Variants in CHPF2 observed in about 807,000 individuals in gnomAD.
The protein encoded by CHPF2 is chondroitin polymerizing factor 2, non-catalytic subunit.
A neutral mutation model predicts 63.0 loss-of-function variants in CHPF2; 58 were observed. That is an observed-to-expected ratio of 0.92 (90% CI 0.75 to 1.15). CHPF2 has a LOEUF of 1.15. Ranked by LOEUF, CHPF2 falls within the 50% of genes most tolerant of loss-of-function variation. CHPF2 has a pLI of 0.00. For missense variants in CHPF2, 1,045 were observed against 1,035.4 expected, an observed-to-expected ratio of 1.01 and a Z score of -0.13; for synonymous variants, 442 against 438.0, an observed-to-expected ratio of 1.01 and a Z score of -0.11.
Position 151,235,597 on chromosome 7 carries a change from T to G in CHPF2, c.813T>G (p.Cys271Trp), listed in dbSNP as rs1410520714. 6.2e-7 allele frequency: 1 copy of G among 1,604,782 alleles called. No homozygotes were observed. The highest frequency in any genetic ancestry group is 1.7e-5 in the Admixed American group (1 of 59,972). ...TCATTGACTCTCTGGGCGTCGGCTGTGTCTCACAGCACCAGGTGACAGCTC... is the reference window on the plus strand; with the variant it reads ...TCATTGACTCTCTGGGCGTCGGCTGGGTCTCACAGCACCAGGTGACAGCTC... ...RCLIDSLGVG[C>W]VSQHQGQQYR... The change falls in exon 2 of 4, where the codon TGT becomes TGG. Residue 271 changes from cysteine (C) to tryptophan (W), a missense_variant. By Grantham distance (215) the Cys-to-Trp change is radical. Coordinates refer to ENST00000035307, the MANE Select transcript of CHPF2 (RefSeq NM_019015.3).
Position 151,232,990 on chromosome 7 carries a change from A to C in CHPF2, c.-1022A>C. The C allele has an allele frequency of 7.8e-7, 1 of 1,281,558 alleles. No individual in the cohort carries two copies. The highest frequency in any genetic ancestry group is 9.9e-7 in the Non-Finnish European group (1 of 1,013,130). The allele number at this position is 1,281,558 out of a possible 1,614,324, so 79.4% of individuals were successfully genotyped here. On this transcript the variant is annotated 5_prime_UTR_variant, in exon 1 of 4. Coordinates refer to ENST00000035307, the MANE Select transcript of CHPF2 (RefSeq NM_019015.3). ...GTTCTAGGGCTAGACTTGGTCTCTG[A>C]TCGCCGAGAGGTAGCGCAGGGGCTG...
Position 151,234,156 on chromosome 7 carries a change from C to T in CHPF2, c.145C>T (p.Arg49Ter), listed in dbSNP as rs200404526. 16 of 1,613,446 alleles carry T rather than the reference C, an allele frequency of 9.9e-6. No individual in the cohort carries two copies. The highest frequency in any genetic ancestry group is 2.5e-6 in the Non-Finnish European group (3 of 1,179,698). Reference protein sequence around the residue: ...EDPCVEAVGERGGPQNPDSRA... With the variant: ...EDPCVEAVGE ...TCCCTGTGTCGAGGCTGTAGGGGAG[C>T]GAGGAGGGCCACAGAATCCAGATTC... The change falls in exon 1 of 4, where the codon CGA (arginine) becomes TGA (stop). Residue 49 changes from arginine to a stop codon, truncating the protein, a stop_gained. Transcript: ENST00000035307. LOFTEE classifies it high-confidence loss of function.
chr7:151,233,326 T>G lies in CHPF2; in HGVS notation c.-686T>G, dbSNP rs190803273. 7.1e-6 allele frequency: 7 copies of G among 986,432 alleles called. No homozygotes were observed. The African/African-American group carries it at 1.2e-4, about 17-fold the overall frequency. 61.1% of individuals were successfully genotyped at this position (986,432 alleles called of 1,614,324 possible). A position where few individuals can be genotyped will look rare whatever the true frequency, so the allele number is the denominator to read the frequency against. On this transcript the variant is annotated 5_prime_UTR_variant, in exon 1 of 4. The change abolishes an upstream ATG in the 5' untranslated region. Transcript: ENST00000035307. Reference sequence around the variant, plus strand: ...ACCTCATTCGGGTGGGCAGAACTTATGTGTGCCATGCGAGTGGCTCCAGAC... The same window carrying G: ...ACCTCATTCGGGTGGGCAGAACTTAGGTGTGCCATGCGAGTGGCTCCAGAC...
At position 151,235,462 on chromosome 7, in the gene CHPF2, C is replaced by T. The variant is rs2150582803; in HGVS notation, c.678C>T (p.Gly226=). Residue 226 remains glycine, a synonymous_variant, in exon 2 of 4, where the codon GGC becomes GGT. Transcript: ENST00000035307. ...AGEQARYCHG[G]FGYLLSRSLL... ...AGCAGGCCCGGTACTGTCATGGGGG[C>T]TTTGGCTACCTGTTGTCACGGAGTC... The T allele has an allele frequency of 6.2e-7, 1 of 1,611,900 alleles. No homozygotes were observed. The highest frequency in any genetic ancestry group is 8.5e-7 in the Non-Finnish European group (1 of 1,180,030).
rs1185480151 is a variant in CHPF2 at position 151,237,413 on chromosome 7, G to A, written c.1051G>A (p.Glu351Lys). 1 of 1,608,110 alleles carries A rather than the reference G, an allele frequency of 6.2e-7. No individual in the cohort carries two copies. The highest frequency in any genetic ancestry group is 1.7e-5 in the Admixed American group (1 of 59,912). The change falls in exon 4 of 4, where the codon GAG (glutamate) becomes AAG (lysine). Residue 351 changes from glutamate to lysine, a missense_variant. Transcript: ENST00000035307. The part of the protein sequence containing the change: ...RNLTVLTPEG[E>K]AGLSWPVGLP... The stretch of plus-strand genomic sequence containing the variant: ...CCTGACCGTGCTGACCCCCGAAGGG[G>A]AGGCAGGGCTGAGCTGGCCCGTTGG...
At position 151,236,390 on chromosome 7, in the gene CHPF2, G is replaced by A. The variant is rs778372164; in HGVS notation, c.829-18G>A. The A allele has an allele frequency of 3.9e-6, 6 of 1,549,204 alleles. No homozygotes were observed. The highest frequency in any genetic ancestry group is 1.2e-5 in the South Asian group (1 of 83,266). On this transcript the variant is annotated intron_variant, in intron 2 of 3. Transcript: ENST00000035307. ...CAGCTCTTGTGTGTGTCATTGATTGGTCTGATTGTCCCTCTAGGGGCAGCA... is the reference window on the plus strand; with the variant it reads ...CAGCTCTTGTGTGTGTCATTGATTGATCTGATTGTCCCTCTAGGGGCAGCA...
chr7:151,236,122 AT>A (rs1802638987), intron 2 of CHPF2, among the ~76,000 whole-genome samples: 1 of 152,210 alleles, frequency 6.6e-6, no homozygotes, highest in Non-Finnish European at 1.5e-5. Flanking sequence ...CATTATTATT[AT>A]TTTTAATATG....
rs1245947465 is a variant in CHPF2 at position 151,238,613 on chromosome 7, G to A, written c.2251G>A (p.Glu751Lys). Residue 751 changes from glutamate to lysine, a missense_variant, in exon 4 of 4, where the codon GAG (glutamate) becomes AAG (lysine). Glu to Lys is a moderately conservative substitution (Grantham distance 56, BLOSUM62 1). Coordinates refer to ENST00000035307, the MANE Select transcript of CHPF2 (RefSeq NM_019015.3). The stretch of plus-strand genomic sequence containing the variant: ...CCACCGCTGCCGCCTCAGCAACCTG[G>A]AGGGGCTAGGGGGCCGTGCCCAGCT... ...LYHRCRLSNL[E>K]GLGGRAQLAM... The A allele has an allele frequency of 1.9e-6, 3 of 1,612,720 alleles. No individual in the cohort carries two copies. The Admixed American group carries it at 5.0e-5, about 27-fold the overall frequency.
intron 3 of CHPF2, chr7:151,236,879 A>G: frequency 1.7e-6 from 1 of 575,014 alleles, no homozygotes; most frequent in Non-Finnish European, 3.3e-6. Flanking sequence ...CAGTGTTCAG[A>G]CAGAATAGTT....
At chr7:151,234,973 G>A (rs1463022130) in intron 1 of CHPF2, 75 bp from the exon 2 acceptor site, 52 of 1,187,752 alleles carry the variant, frequency 4.4e-5, no homozygotes, top group Non-Finnish European at 6.1e-5. Flanking sequence ...ACTCCTAGAG[G>A]GGGATGTATA....
rs951104846 is a variant in CHPF2, at chr7:151,233,301, A to G, written c.-711A>G. 3.0e-6 allele frequency: 3 copies of G among 987,624 alleles called. No individual in the cohort carries two copies. Among genetic ancestry groups the G allele is most frequent in the Non-Finnish European group, 3.6e-6 (3 of 831,452 alleles). 61.2% of individuals were successfully genotyped at this position (987,624 alleles called of 1,614,324 possible). A position where few individuals can be genotyped will look rare whatever the true frequency, so the allele number is the denominator to read the frequency against. On this transcript the variant is annotated 5_prime_UTR_variant, in exon 1 of 4. Transcript: ENST00000035307. ...GCTGTCAGTGCTGAGTCACCGATCT[A>G]CCTCATTCGGGTGGGCAGAACTTAT...
chr7:151,235,631 C>T lies in CHPF2; in HGVS notation c.828+19C>T, dbSNP rs1483092883. ...GCACCAGGTGACAGCTCTTTCAAGTCAGTCCCAGTCCCTGATAAGCTAGTG... is the reference window on the plus strand; with the variant it reads ...GCACCAGGTGACAGCTCTTTCAAGTTAGTCCCAGTCCCTGATAAGCTAGTG... On this transcript the variant is annotated intron_variant, in intron 2 of 3. Transcript: ENST00000035307. 1 of 1,583,852 alleles carries T rather than the reference C, an allele frequency of 6.3e-7. No homozygotes were observed. The highest frequency in any genetic ancestry group is 2.2e-5 in the East Asian group (1 of 44,588).
rs753786949 is a variant in CHPF2 at position 151,235,430 on chromosome 7, G to A, written c.646G>A (p.Ala216Thr). 6.3e-5 allele frequency: 102 copies of A among 1,612,156 alleles called. No individual in the cohort carries two copies. Among genetic ancestry groups the A allele is most frequent in the Non-Finnish European group, 8.0e-5 (94 of 1,180,044 alleles). Residue 216 changes from alanine to threonine, a missense_variant, in exon 2 of 4, where the codon GCA (alanine) becomes ACA (threonine). By Grantham distance (58) the Ala-to-Thr change is moderately conservative. Coordinates refer to ENST00000035307, the MANE Select transcript of CHPF2 (RefSeq NM_019015.3). ...AGGCCGGGCAGAGGAGTTCATTGGC[G>A]CAGGCGAGCAGGCCCGGTACTGTCA... The part of the protein sequence containing the change: ...YLGRAEEFIG[A>T]GEQARYCHGG...
In CHPF2 at chr7:151,235,079, C is replaced by T. The variant is rs540455097; in HGVS notation, c.295C>T (p.Arg99Cys). 9 of 1,575,586 alleles carry T rather than the reference C, an allele frequency of 5.7e-6. No homozygotes were observed. The highest frequency in any genetic ancestry group is 2.3e-5 in the East Asian group (1 of 44,388). ...GTACATCCAGACAGAGCTGGGCTCC[C>T]GTGAGCGGTTGCTGGTGGCTGTCCT... ...TRYIQTELGS[R>C]ERLLVAVLTS... Residue 99 changes from arginine to cysteine, a missense_variant, in exon 2 of 4, where the codon CGT (arginine) becomes TGT (cysteine). Coordinates refer to ENST00000035307, the MANE Select transcript of CHPF2 (RefSeq NM_019015.3).
rs771332223 is a variant in CHPF2 at position 151,238,759 on chromosome 7, A to G, written c.*78A>G. ...GGAAGGGCAAGGCAAGATGGTGGAC[A>G]GATAGAGAATTGTTGCTGTATTTTT... On this transcript the variant is annotated 3_prime_UTR_variant, in exon 4 of 4. Coordinates refer to ENST00000035307, the MANE Select transcript of CHPF2 (RefSeq NM_019015.3). The G allele has an allele frequency of 8.8e-6, 14 of 1,592,298 alleles. No individual in the cohort carries two copies. The Admixed American group carries it at 2.4e-4, about 28-fold the overall frequency.
chr7:151,238,593 G>C lies in CHPF2; in HGVS notation c.2231G>C (p.Arg744Pro). 6.2e-7 allele frequency: 1 copy of C among 1,612,766 alleles called. No individual in the cohort carries two copies. Among genetic ancestry groups the C allele is most frequent in the Non-Finnish European group, 8.5e-7 (1 of 1,179,378 alleles). ...SPRLSEELYH[R>P]CRLSNLEGLG... ...CGGCTCAGTGAAGAACTCTACCACC[G>C]CTGCCGCCTCAGCAACCTGGAGGGG... Residue 744 changes from arginine to proline, a missense_variant, in exon 4 of 4, where the codon CGC (arginine) becomes CCC (proline). Coordinates refer to ENST00000035307, the MANE Select transcript of CHPF2 (RefSeq NM_019015.3).
rs1802532433 is a variant in CHPF2, at chr7:151,233,422, A to T, written c.-590A>T. The T allele has an allele frequency of 1.0e-6, 1 of 985,658 alleles. No homozygotes were observed. The highest frequency in any genetic ancestry group is 1.2e-6 in the Non-Finnish European group (1 of 830,120). The allele number at this position is 985,658 out of a possible 1,614,324, so 61.1% of individuals were successfully genotyped here. ...CAAACACGGGGAGCAGAGTAGAAAG[A>T]GGCTCTGGCCCCTTCCCTTGTGCCC... On this transcript the variant is annotated 5_prime_UTR_variant, in exon 1 of 4. Transcript: ENST00000035307.
chr7:151,237,436 TG>T lies in CHPF2; in HGVS notation c.1077del (p.Leu360SerfsTer94), dbSNP rs1563633202. On this transcript the variant is annotated frameshift_variant, in exon 4 of 4. Transcript: ENST00000035307. LOFTEE classifies it high-confidence loss of function. ...GGGAGGCAGGGCTGAGCTGGCCCGT[TG>T]GGCTCCCTGCTCCTTTCACACCACA... The part of the protein sequence containing the change: ...EGEAGLSWPV[G>X]LPAPFTPHSR... 3 of 1,612,864 alleles carry T rather than the reference TG, an allele frequency of 1.9e-6. No individual in the cohort carries two copies. The highest frequency in any genetic ancestry group is 2.7e-5 in the African/African-American group (2 of 75,044).
In CHPF2 at chr7:151,232,946, A is replaced by C. The variant is rs572886907; in HGVS notation, c.-1066A>C. 1.1e-4 allele frequency: 142 copies of C among 1,339,904 alleles called. 1 individual carries two copies. In the African/African-American group the frequency reaches 1.7e-3, roughly 16 times the overall value. 83.0% of individuals were successfully genotyped at this position (1,339,904 alleles called of 1,614,324 possible). Reference sequence around the variant, plus strand: ...ATTTCTGTTTTGAGACGAACGGCGAAGACTCGCGTCGGGTCTTCGTTCTAG... The same window carrying C: ...ATTTCTGTTTTGAGACGAACGGCGACGACTCGCGTCGGGTCTTCGTTCTAG... On this transcript the variant is annotated 5_prime_UTR_variant, in exon 1 of 4. Transcript: ENST00000035307.
Sources: gnomAD v4.1 joint callset for allele counts (sites outside exome capture counted in the v4.1 genomes callset) on GRCh38, gnomAD v4.1.1 for gene constraint, MANE v1.5 for transcripts, NCBI Gene and HGNC (gene_info 2026-07-23, HGNC 2026-07-21) for gene names.